Variants in KCNAB1 observed in about 807,000 individuals in gnomAD.
The protein encoded by KCNAB1 is potassium voltage-gated channel subfamily A regulatory beta subunit 1, also known as voltage-gated potassium channel subunit beta-1.
A neutral mutation model predicts 64.6 loss-of-function variants in KCNAB1; 35 were observed. That is an observed-to-expected ratio of 0.54 (90% CI 0.41 to 0.72). The LOEUF (loss-of-function observed/expected upper bound fraction) is 0.72, where lower values mean the gene tolerates loss of function less well. KCNAB1 is among the 30% of genes least tolerant of loss of function. The pLI, the probability that KCNAB1 is intolerant of heterozygous loss-of-function variation, is 0.00. For missense variants in KCNAB1, 401 were observed against 512.9 expected, an observed-to-expected ratio of 0.78 and a Z score of 2.11; for synonymous variants, 177 against 183.8, an observed-to-expected ratio of 0.96 and a Z score of 0.30.
chr3:156,513,477 G>A (rs552259928), intron 8 of KCNAB1, among the ~76,000 whole-genome samples: 1 of 152,246 alleles, frequency 6.6e-6, no homozygotes, highest in Non-Finnish European at 1.5e-5. Context: ...TGAAACTGTC[G>A]AGTGACCTGG....
upstream of KCNAB1, chr3:156,120,482 C>T (rs1021591358): frequency 5.6e-6 from 6 of 1,068,274 alleles, no homozygotes; most frequent in Admixed American, 8.5e-5. Flanking sequence ...GGCTCAATTA[C>T]AGCTTTGTGG....
intron 3 of KCNAB1, among the ~76,000 whole-genome samples, chr3:156,453,686 C>T (rs921506697): frequency 6.6e-6 from 1 of 152,142 alleles, no homozygotes; most frequent in Non-Finnish European, 1.5e-5. Context: ...AGGCATTGAG[C>T]ACCAAGAACT....
At chr3:156,450,212 T>A (rs1034613050) in intron 2 of KCNAB1, among the ~76,000 whole-genome samples, 59 of 152,188 alleles carry the variant, frequency 3.9e-4, no homozygotes, top group African/African-American at 1.3e-3. Flanking sequence ...TTGACCGGCC[T>A]GACATTAACT....
At chr3:156,334,410 GCC>G (rs1723544233) in intron 1 of KCNAB1, among the ~76,000 whole-genome samples, 2 of 152,134 alleles carry the variant, frequency 1.3e-5, no homozygotes, top group African/African-American at 2.4e-5. Context: ...CCTTGGAAGG[GCC>G]TTCTCTTTCC....
intron 1 of KCNAB1, among the ~76,000 whole-genome samples, chr3:156,198,782 C>T (rs142230477): frequency 0.011 from 1,599 of 151,478 alleles, 28 homozygotes; most frequent in African/African-American, 0.037. Context: ...TTAATTGGGG[C>T]CTTTAGCCTA....
At chr3:156,386,825 C>T (rs1338363238) in intron 1 of KCNAB1, among the ~76,000 whole-genome samples, 1 of 152,090 alleles carries the variant, frequency 6.6e-6, no homozygotes, top group African/African-American at 2.4e-5. Flanking sequence ...ATGGTGACCA[C>T]CAACAGTCTT....
rs141980833 is a variant in KCNAB1, at chr3:156,233,744, C to T, written c.275+112858C>T. On this transcript the variant is annotated intron_variant, in intron 1 of 13. Transcript: ENST00000490337. ...AGTGAGGAGTGGTCAGGCTCTGGAT[C>T]TCTCTTCAGTAAAGAGCTGGGAAGA... 7.5e-3 allele frequency among the ~76,000 whole-genome samples: 1,144 copies of T among 152,056 alleles called. 8 individuals are homozygous for T. Among genetic ancestry groups the T allele is most frequent in the Admixed American group, 0.017 (264 of 15,270 alleles).
chr3:156,164,898 A>G (rs1191041410), intron 1 of KCNAB1, among the ~76,000 whole-genome samples: 1 of 152,192 alleles, frequency 6.6e-6, no homozygotes, highest in Admixed American at 6.5e-5. Context: ...CTTAAATAGG[A>G]AGAATTGAAA....
intron 1 of KCNAB1, among the ~76,000 whole-genome samples, chr3:156,131,868 A>G (rs1340491590): frequency 6.6e-6 from 1 of 152,246 alleles, no homozygotes; most frequent in African/African-American, 2.4e-5. Flanking sequence ...AAGCTGGGCC[A>G]TAGCTGAGCA....
chr3:156,313,170 C>T (rs1722039042), intron 1 of KCNAB1, among the ~76,000 whole-genome samples: 1 of 152,172 alleles, frequency 6.6e-6, no homozygotes, highest in Non-Finnish European at 1.5e-5. Context: ...TTCTGATTAA[C>T]AGTAGACAGT....
At chr3:156,119,896 C>T (rs1460792241), upstream of KCNAB1, among the ~76,000 whole-genome samples, 1 of 152,140 alleles carries the variant, frequency 6.6e-6, no homozygotes, top group Non-Finnish European at 1.5e-5. Context: ...TGTTTTTTCA[C>T]ACCAGTTTTG....
At chr3:156,128,071 A>G (rs1033312900) in intron 1 of KCNAB1, among the ~76,000 whole-genome samples, 2 of 152,190 alleles carry the variant, frequency 1.3e-5, no homozygotes, top group African/African-American at 4.8e-5. Context: ...TCTTTCTGAG[A>G]TCTCTCTGCC....
intron 8 of KCNAB1, among the ~76,000 whole-genome samples, chr3:156,497,877 C>T (rs907819335): frequency 7.9e-5 from 12 of 152,166 alleles, no homozygotes; most frequent in Non-Finnish European, 1.8e-4. Flanking sequence ...ATAGGGTCTT[C>T]GAAAAGTTTG....
At chr3:156,150,953 G>A (rs192943705) in intron 1 of KCNAB1, among the ~76,000 whole-genome samples, 12 of 152,296 alleles carry the variant, frequency 7.9e-5, no homozygotes, top group East Asian at 1.9e-4. Flanking sequence ...GTTTTCTAGC[G>A]TAGGGGGTTC....
intron 7 of KCNAB1, among the ~76,000 whole-genome samples, chr3:156,468,229 G>GA (rs1445538145): frequency 3.3e-5 from 5 of 151,554 alleles, no homozygotes; most frequent in African/African-American, 7.3e-5. Flanking sequence ...ACTTGCAATA[G>GA]AAAAAAAATA....
intron 11 of KCNAB1, among the ~76,000 whole-genome samples, chr3:156,522,185 TAAG>T (rs910193927): frequency 2.0e-5 from 3 of 151,380 alleles, no homozygotes; most frequent in African/African-American, 7.3e-5. Flanking sequence ...CTAATACTAA[TAAG>T]AAGCAATTGT....
At chr3:156,455,425 T>G (rs1345695391) in intron 3 of KCNAB1, among the ~76,000 whole-genome samples, 2 of 152,166 alleles carry the variant, frequency 1.3e-5, no homozygotes, top group Non-Finnish European at 2.9e-5. Context: ...AACACCAAAC[T>G]CTGTAAGGTG....
intron 1 of KCNAB1, among the ~76,000 whole-genome samples, chr3:156,196,207 G>A (rs566646616): frequency 1.7e-4 from 25 of 151,092 alleles, no homozygotes; most frequent in Non-Finnish European, 3.1e-4. Flanking sequence ...TTTTTGTTAC[G>A]GTTGCCATGT....
At chr3:156,516,811 A>G (rs1031015847) in intron 11 of KCNAB1, among the ~76,000 whole-genome samples, 1 of 152,348 alleles carries the variant, frequency 6.6e-6, no homozygotes, top group Admixed American at 6.5e-5. Context: ...GTTGTAGCTG[A>G]GTATGGTTGA....
Sources: allele counts gnomAD v4.1 joint callset (sites outside exome capture counted in the v4.1 genomes callset), GRCh38; gene constraint gnomAD v4.1.1; transcripts MANE v1.5; gene names NCBI Gene and HGNC (gene_info 2026-07-23, HGNC 2026-07-21).